KIFAP3: variants seen among roughly 807,000 people sequenced by gnomAD.
KIFAP3 encodes kinesin associated protein 3.
In KIFAP3, 68 loss-of-function variants were observed where a neutral mutation model predicts 106.5. The observed-to-expected ratio is 0.64, with a 90% confidence interval of 0.53 to 0.78. KIFAP3 has a LOEUF of 0.78. Ranked by LOEUF, KIFAP3 falls within the 30% of genes least tolerant of loss-of-function variation. The pLI is 0.00. For synonymous variants in KIFAP3, 320 were observed against 311.5 expected (o/e 1.03, Z -0.29); for missense variants, 780 against 941.8 (o/e 0.83, Z 2.25).
intron 19 of KIFAP3, among the ~76,000 whole-genome samples, chr1:169,938,713 A>C (rs557785956): frequency 6.6e-6 from 1 of 152,174 alleles, no homozygotes. Flanking sequence ...CAAGTGAACA[A>C]AAATTAAATT....
intron 1 of KIFAP3, among the ~76,000 whole-genome samples, chr1:170,073,938 A>G (rs1253147823): frequency 6.6e-6 from 1 of 152,182 alleles, no homozygotes; most frequent in East Asian, 1.9e-4. Flanking sequence ...GCAGAAAGAG[A>G]CTGGAAATCA....
chr1:169,926,610 T>C (rs1663147221), intron 19 of KIFAP3, among the ~76,000 whole-genome samples: 1 of 152,056 alleles, frequency 6.6e-6, no homozygotes, highest in South Asian at 2.1e-4. Flanking sequence ...GAGTTATATA[T>C]AGTTATATAA....
In KIFAP3 at chr1:169,976,493, A is replaced by T. The variant is rs562519401; in HGVS notation, c.1897+1592T>A. Among the ~76,000 whole-genome samples the T allele has an allele frequency of 7.2e-5, 11 of 152,202 alleles. No homozygotes were observed. The South Asian group carries it at 2.1e-3, about 29-fold the overall frequency. ...CATGGAATACAGCTGGGGAAAAATG[A>T]ATTTATTCCAATTATTTTAACACTG... is the stretch of plus-strand genomic sequence containing the variant. On this transcript the variant is annotated intron_variant, in intron 16 of 19. Coordinates refer to ENST00000361580, the MANE Select transcript of KIFAP3 (RefSeq NM_014970.4).
intron 1 of KIFAP3, among the ~76,000 whole-genome samples, chr1:170,082,533 T>C (rs1672036378): frequency 6.6e-6 from 1 of 152,252 alleles, no homozygotes; most frequent in Admixed American, 6.5e-5. Context: ...ATTCATTTTA[T>C]TGCATGTAAA....
intron 9 of KIFAP3, chr1:170,024,003 T>C (rs1668985451): frequency 6.6e-6 from 1 of 152,656 alleles, no homozygotes; most frequent in South Asian, 2.1e-4. Context: ...CAAAGAAGAA[T>C]TGTAGGTAAC....
rs769527141 is a variant in KIFAP3 at position 169,983,276 on chromosome 1, C to T, written c.1500G>A (p.Leu500=). 5.1e-6 allele frequency: 8 copies of T among 1,583,920 alleles called. No homozygotes were observed. Among genetic ancestry groups the T allele is most frequent in the Non-Finnish European group, 6.9e-6 (8 of 1,160,346 alleles). Reference sequence around the variant, plus strand: ...AAGCCAAAATGATACTTACAATAAACAGATTTTTAGTTGGTCCATCATGCT... The same window carrying T: ...AAGCCAAAATGATACTTACAATAAATAGATTTTTAGTTGGTCCATCATGCT... The part of the protein sequence containing the change: ...ISQHDGPTKN[L]FIDYVGDLAA... The change falls in exon 13 of 20, where the codon CTG becomes CTA. Residue 500 remains leucine, a synonymous_variant. Transcript: ENST00000361580.
chr1:169,969,295 G>A lies in KIFAP3; in HGVS notation c.1983+3218C>T, dbSNP rs139741174. Among the ~76,000 whole-genome samples the A allele has an allele frequency of 8.4e-4, 128 of 152,060 alleles. 1 individual carries two copies. Among genetic ancestry groups the A allele is most frequent in the African/African-American group, 2.9e-3 (122 of 41,524 alleles). On this transcript the variant is annotated intron_variant, in intron 17 of 19. Coordinates refer to ENST00000361580, the MANE Select transcript of KIFAP3 (RefSeq NM_014970.4). ...CTCTGTAACTTCTCTTCAAGACGTT[G>A]TAAGATACTTCTTAAAGTGTTCTCC...
intron 2 of KIFAP3, among the ~76,000 whole-genome samples, chr1:170,053,756 T>C (rs1462904762): frequency 6.6e-6 from 1 of 152,128 alleles, no homozygotes; most frequent in East Asian, 1.9e-4. Context: ...GATTTCCTAT[T>C]TAATAAATGG....
chr1:169,928,177 G>A (rs1247745020), intron 19 of KIFAP3, among the ~76,000 whole-genome samples: 3 of 151,288 alleles, frequency 2.0e-5, no homozygotes, highest in Admixed American at 1.3e-4. Flanking sequence ...TTGGCTCACT[G>A]CAACCTCTGC....
chr1:170,049,271 A>G (rs1343386006), intron 2 of KIFAP3, among the ~76,000 whole-genome samples: 1 of 152,164 alleles, frequency 6.6e-6, no homozygotes, highest in African/African-American at 2.4e-5. Flanking sequence ...CTGCTTCTCT[A>G]TATGCCTCCT....
At chr1:169,948,993 AT>A (rs140945355) in intron 19 of KIFAP3, among the ~76,000 whole-genome samples, 1 of 151,950 alleles carries the variant, frequency 6.6e-6, no homozygotes, top group African/African-American at 2.4e-5. Context: ...AATAAGTCTA[AT>A]TTTTTTATAT....
chr1:170,027,060 G>A (rs964736963), intron 8 of KIFAP3, among the ~76,000 whole-genome samples: 21 of 104,742 alleles, frequency 2.0e-4, no homozygotes, highest in African/African-American at 8.0e-4. Context: ...TGCTCTTGTT[G>A]CCCAGGCTGG....
At chr1:170,008,119 C>G (rs1668063938) in intron 10 of KIFAP3, among the ~76,000 whole-genome samples, 2 of 151,584 alleles carry the variant, frequency 1.3e-5, no homozygotes, top group Non-Finnish European at 2.9e-5. Flanking sequence ...AATATTAACT[C>G]AAGATGGATT....
intron 16 of KIFAP3, among the ~76,000 whole-genome samples, chr1:169,976,407 A>T (rs758659759): frequency 1.2e-4 from 18 of 152,128 alleles, no homozygotes; most frequent in Non-Finnish European, 2.5e-4. Context: ...GTGTTTCCCA[A>T]ACTTATTTAC....
intron 3 of KIFAP3, among the ~76,000 whole-genome samples, chr1:170,041,472 T>C (rs966040808): frequency 1.3e-5 from 2 of 152,110 alleles, no homozygotes; most frequent in Non-Finnish European, 2.9e-5. Context: ...TGAGACCCCG[T>C]CTCTACAAAA....
rs1328625385 is a variant in KIFAP3 at position 170,035,822 on chromosome 1, T to C, written c.518-269A>G. On this transcript the variant is annotated intron_variant, in intron 5 of 19. Coordinates refer to ENST00000361580, the MANE Select transcript of KIFAP3 (RefSeq NM_014970.4). ...AAAGTGACATATGTTATGGTGACAA[T>C]AAAATAATTAAAAAGCCTTTCATTT... 5.9e-5 allele frequency among the ~76,000 whole-genome samples: 9 copies of C among 151,980 alleles called. No homozygotes were observed. The East Asian group carries it at 1.7e-3, about 29-fold the overall frequency.
chr1:170,015,041 C>T (rs1415638253), intron 10 of KIFAP3, among the ~76,000 whole-genome samples: 1 of 152,010 alleles, frequency 6.6e-6, no homozygotes, highest in Non-Finnish European at 1.5e-5. Context: ...AAACTGGGCT[C>T]CAAAGGAGAT....
intron 10 of KIFAP3, among the ~76,000 whole-genome samples, chr1:170,010,067 T>C (rs1272440219): frequency 2.6e-5 from 4 of 152,062 alleles, no homozygotes; most frequent in Non-Finnish European, 5.9e-5. Flanking sequence ...TCTGTCAAAG[T>C]ATAGGAATGA....
intron 1 of KIFAP3, among the ~76,000 whole-genome samples, chr1:170,062,336 T>C (rs892509632): frequency 5.3e-5 from 8 of 151,956 alleles, no homozygotes; most frequent in Admixed American, 5.2e-4. Flanking sequence ...TTCATCCTAT[T>C]AACACTGCTT....
Sources: allele counts gnomAD v4.1 joint callset (sites outside exome capture counted in the v4.1 genomes callset), GRCh38; gene constraint gnomAD v4.1.1; transcripts MANE v1.5; gene names NCBI Gene and HGNC (gene_info 2026-07-23, HGNC 2026-07-21).